The following NAV2 variants were observed in gnomAD, a reference collection of about 807,000 sequenced individuals.
NAV2 encodes helicase, APC down-regulated 1.
In NAV2, 54 loss-of-function variants were observed where a neutral mutation model predicts 223.2. That is an observed-to-expected ratio of 0.24 (90% confidence interval 0.19 to 0.30). The LOEUF (loss-of-function observed/expected upper bound fraction) is 0.30, where lower values mean the gene tolerates loss of function less well. Among genes scored for constraint, NAV2 ranks in the 10% least tolerant of loss-of-function variants. NAV2 has a pLI of 1.00. For synonymous variants in NAV2, 1,279 were observed against 1,239.3 expected, an observed-to-expected ratio of 1.03 and a Z score of -0.67; for missense variants, 2,806 against 3,147.5, an observed-to-expected ratio of 0.89 and a Z score of 2.60.
rs185384318 is a variant in NAV2 at position 19,944,560 on chromosome 11, C to T, written c.2147-1841C>T. Among the ~76,000 whole-genome samples, 780 of 150,106 alleles carry T rather than the reference C, an allele frequency of 5.2e-3. 4 individuals carry two copies. The highest frequency in any genetic ancestry group is 0.01 in the Middle Eastern group (3 of 288). On this transcript the variant is annotated intron_variant, in intron 8 of 37. Coordinates refer to ENST00000349880, the MANE Select transcript of NAV2 (RefSeq NM_145117.5). ...CCATTCCGTTCCATTTCTTTTCTTT[C>T]CCTTTCCCTTTCCATTTCCATTTCC...
intron 36 of NAV2, among the ~76,000 whole-genome samples, chr11:20,109,625 G>GT (rs2062457159): frequency 6.6e-6 from 1 of 152,214 alleles, no homozygotes; most frequent in Admixed American, 6.5e-5. Context: ...CTTCCAGGGA[G>GT]TGTGATATGC....
intron 1 of NAV2, among the ~76,000 whole-genome samples, chr11:19,679,059 T>G (rs2048802212): frequency 6.6e-6 from 1 of 152,196 alleles, no homozygotes; most frequent in African/African-American, 2.4e-5. Flanking sequence ...TGTTTTGGGT[T>G]TTTAAAAATG....
chr11:19,458,181 C>T (rs1359743583), intron 1 of NAV2, among the ~76,000 whole-genome samples: 1 of 152,204 alleles, frequency 6.6e-6, no homozygotes, highest in Non-Finnish European at 1.5e-5. Flanking sequence ...GTTCTTTGGG[C>T]CTGGTGCCCA....
chr11:19,502,922 C>T (rs10833127), intron 1 of NAV2: 51,584 of 151,936 alleles, frequency 0.34, 9,150 homozygotes, highest in South Asian at 0.4. Context: ...GCAGTGTCCA[C>T]ATTGTGTTAG....
chr11:19,987,061 A>C (rs1246418193), intron 11 of NAV2, among the ~76,000 whole-genome samples: 2 of 152,218 alleles, frequency 1.3e-5, no homozygotes, highest in Non-Finnish European at 2.9e-5. Flanking sequence ...AAAAACTTAC[A>C]ACTAGCACAT....
At chr11:19,997,524 A>G (rs900133897) in intron 11 of NAV2, among the ~76,000 whole-genome samples, 2 of 152,164 alleles carry the variant, frequency 1.3e-5, no homozygotes, top group Admixed American at 1.3e-4. Context: ...AGCACCTGCT[A>G]TGTTCTAGGT....
At chr11:19,825,397 C>A (rs963092306) in intron 1 of NAV2, among the ~76,000 whole-genome samples, 2 of 145,674 alleles carry the variant, frequency 1.4e-5, no homozygotes, top group African/African-American at 5.0e-5. Flanking sequence ...ATTCCCCTTA[C>A]AATCAATCCA....
intron 2 of NAV2, 64 bp from the exon 3 acceptor site, chr11:19,842,807 G>C: frequency 6.5e-7 from 1 of 1,541,968 alleles, no homozygotes; most frequent in Non-Finnish European, 9.0e-7. Context: ...CAAGTGTCCT[G>C]AACATCACTA....
At chr11:20,024,038 ACCCAGGTTCACTCTACCACCATG>A (rs1252094024) in intron 11 of NAV2, among the ~76,000 whole-genome samples, 1 of 152,188 alleles carries the variant, frequency 6.6e-6, no homozygotes, top group Non-Finnish European at 1.5e-5. Flanking sequence ...TGGGATTGGA[ACCCAGGTTCACTCTACCACCATG>A]CCTTCCTGGG....
At chr11:19,447,593 G>C (rs1000743507) in intron 1 of NAV2, among the ~76,000 whole-genome samples, 1 of 152,188 alleles carries the variant, frequency 6.6e-6, no homozygotes, top group Non-Finnish European at 1.5e-5. Context: ...TCAGTGAGCT[G>C]CTATTGTTAT....
rs73436166 is a variant in NAV2 at position 20,049,542 on chromosome 11, G to A, written c.4371-294G>A. 7.0e-3 allele frequency among the ~76,000 whole-genome samples: 1,057 copies of A among 151,928 alleles called. 10 individuals are homozygous for A. The highest frequency in any genetic ancestry group is 0.024 in the African/African-American group (992 of 41,442). ...CTCCCCTTGTAATTGTGCAAGCAGA[G>A]CAGGTGACTGGGTGCAGACATGGAG... is the stretch of plus-strand genomic sequence containing the variant. On this transcript the variant is annotated intron_variant, in intron 15 of 37. Coordinates refer to ENST00000349880, the MANE Select transcript of NAV2 (RefSeq NM_145117.5).
At chr11:19,437,389 C>T (rs146081360) in intron 1 of NAV2, among the ~76,000 whole-genome samples, 2 of 152,090 alleles carry the variant, frequency 1.3e-5, no homozygotes, top group East Asian at 3.9e-4. Context: ...TCCTATCAAT[C>T]AGATTAAACC....
chr11:19,568,254 TGGG>T (rs1379603172), intron 1 of NAV2, among the ~76,000 whole-genome samples: 1 of 152,194 alleles, frequency 6.6e-6, no homozygotes, highest in Non-Finnish European at 1.5e-5. Context: ...GGGCTGTCTT[TGGG>T]GGCTCAGAGA....
Position 19,776,868 on chromosome 11 carries a change from G to T in NAV2, c.268-55616G>T, listed in dbSNP as rs1225255535. 6.6e-5 allele frequency among the ~76,000 whole-genome samples: 10 copies of T among 152,028 alleles called. No individual in the cohort carries two copies. The East Asian group carries it at 1.8e-3, about 27-fold the overall frequency. On this transcript the variant is annotated intron_variant, in intron 1 of 37. Transcript: ENST00000349880. ...TGGGGACCCGGGAGCCATGAACTGC[G>T]CTCCACAGCCCCTTCCCCCGGCCTC...
intron 1 of NAV2, among the ~76,000 whole-genome samples, chr11:19,553,746 G>A (rs2044769478): frequency 6.6e-6 from 1 of 152,256 alleles, no homozygotes; most frequent in African/African-American, 2.4e-5. Flanking sequence ...CTGCTGCAGA[G>A]CAGGTCTGGC....
intron 6 of NAV2, among the ~76,000 whole-genome samples, chr11:19,931,174 C>A (rs572136397): frequency 1.3e-5 from 2 of 152,114 alleles, no homozygotes; most frequent in African/African-American, 4.8e-5. Flanking sequence ...CCAAGCAGGC[C>A]GCTGATGGGC....
intron 1 of NAV2, among the ~76,000 whole-genome samples, chr11:19,572,338 C>G (rs1478894573): frequency 6.6e-6 from 1 of 152,220 alleles, no homozygotes; most frequent in Non-Finnish European, 1.5e-5. Context: ...GAAACTGAGA[C>G]TTGGGGATAT....
intron 11 of NAV2, among the ~76,000 whole-genome samples, chr11:20,016,108 A>G (rs1269831980): frequency 6.6e-6 from 1 of 152,234 alleles, no homozygotes; most frequent in African/African-American, 2.4e-5. Context: ...GTAGGCAGTA[A>G]AGCTTATAAA....
chr11:20,118,009 C>A, intron 37 of NAV2, 124 bp from the exon 38 acceptor site: 1 of 1,058,662 alleles, frequency 9.4e-7, no homozygotes, highest in Non-Finnish European at 1.4e-6. Context: ...TGTTCTTGTC[C>A]ACTGCCTCCA....
Sources: gnomAD v4.1 joint callset for allele counts (sites outside exome capture counted in the v4.1 genomes callset) on GRCh38, gnomAD v4.1.1 for gene constraint, MANE v1.5 for transcripts, NCBI Gene and HGNC (gene_info 2026-07-23, HGNC 2026-07-21) for gene names.